Variants in EYA2 observed in about 807,000 individuals in gnomAD.
EYA2 encodes EYA transcriptional coactivator and phosphatase 2.
In EYA2, 31 loss-of-function variants were observed where a neutral mutation model predicts 69.2. The observed-to-expected ratio is 0.45, with a 90% CI of 0.34 to 0.60. The LOEUF (loss-of-function observed/expected upper bound fraction) is 0.60. EYA2 is among the 20% of genes least tolerant of loss of function. The pLI, the probability that EYA2 is intolerant of heterozygous loss-of-function variation, is 0.02. For synonymous variants in EYA2, 257 were observed against 279.4 expected, an observed-to-expected ratio of 0.92 and a Z score of 0.80; for missense variants, 622 against 701.2, an observed-to-expected ratio of 0.89 and a Z score of 1.28.
At chr20:47,040,309 T>G (rs558608612) in intron 5 of EYA2, among the ~76,000 whole-genome samples, 50 of 152,334 alleles carry the variant, frequency 3.3e-4, no homozygotes, top group African/African-American at 1.1e-3. Flanking sequence ...CAAATACTGT[T>G]CCATAAAGAA....
chr20:47,094,147 G>C lies in EYA2; in HGVS notation c.805-2938G>C, dbSNP rs1052556793. On this transcript the variant is annotated intron_variant, in intron 8 of 15. Transcript: ENST00000327619. ...AATCGAGGATGGTGAGGTAGTAGGA[G>C]AAAGGGATGGATTTTTTTCAGAGGG... Among the ~76,000 whole-genome samples the C allele has an allele frequency of 8.5e-5, 13 of 152,346 alleles. No individual in the cohort carries two copies. The East Asian group carries it at 1.7e-3, about 20-fold the overall frequency.
At chr20:47,031,759 G>A (rs952740782) in intron 5 of EYA2, among the ~76,000 whole-genome samples, 2 of 152,120 alleles carry the variant, frequency 1.3e-5, no homozygotes, top group African/African-American at 4.8e-5. Context: ...GTCTGCACCT[G>A]CACAATTTGT....
intron 7 of EYA2, among the ~76,000 whole-genome samples, chr20:47,078,930 G>A (rs911253481): frequency 6.6e-6 from 1 of 152,066 alleles, no homozygotes; most frequent in Non-Finnish European, 1.5e-5. Context: ...GAATTTATCC[G>A]AAAGATAAAC....
chr20:47,001,220 G>C (rs933476060), intron 2 of EYA2, among the ~76,000 whole-genome samples: 1 of 152,080 alleles, frequency 6.6e-6, no homozygotes, highest in Non-Finnish European at 1.5e-5. Context: ...TAACTGCACA[G>C]AGACGAAGTG....
At chr20:47,130,606 A>G (rs903385069) in intron 9 of EYA2, among the ~76,000 whole-genome samples, 1 of 152,114 alleles carries the variant, frequency 6.6e-6, no homozygotes, top group East Asian at 1.9e-4. Flanking sequence ...CAGTATGTAA[A>G]TGCTCAAACA....
At chr20:47,151,829 C>T (rs1015040162) in intron 10 of EYA2, among the ~76,000 whole-genome samples, 1 of 151,970 alleles carries the variant, frequency 6.6e-6, no homozygotes, top group Admixed American at 6.5e-5. Flanking sequence ...GGGCAGAGAA[C>T]ATGTCCACTG....
rs2034575880 is a variant in EYA2 at position 47,183,387 on chromosome 20, A to G, written c.1532A>G (p.Lys511Arg). ...GDGVEEEQGA[K>R]KHNMPFWRIS... ...GGTGTGGAAGAGGAGCAAGGAGCGA[A>G]AAAGGTACTTCTTCCACCTCTCAGA... The change falls in exon 15 of 16, where the codon AAA becomes AGA. Residue 511 changes from lysine to arginine, a missense_variant. Coordinates refer to ENST00000327619, the MANE Select transcript of EYA2 (RefSeq NM_005244.5). 6.2e-7 allele frequency: 1 copy of G among 1,613,988 alleles called. No individual in the cohort carries two copies. Among genetic ancestry groups the G allele is most frequent in the East Asian group, 2.2e-5 (1 of 44,868 alleles).
chr20:47,152,502 A>AG (rs1054723115), intron 10 of EYA2, among the ~76,000 whole-genome samples: 10 of 151,304 alleles, frequency 6.6e-5, no homozygotes, highest in South Asian at 4.2e-4. Flanking sequence ...TTGGATGGAT[A>AG]GGGGGGCGCA....
intron 9 of EYA2, among the ~76,000 whole-genome samples, chr20:47,118,182 G>A (rs1411237311): frequency 1.3e-5 from 2 of 152,270 alleles, no homozygotes; most frequent in Admixed American, 1.3e-4. Flanking sequence ...TTCTGAGGAA[G>A]TCGGAGATTT....
intron 9 of EYA2, among the ~76,000 whole-genome samples, chr20:47,104,630 A>G (rs2032523120): frequency 6.6e-6 from 1 of 152,132 alleles, no homozygotes; most frequent in Non-Finnish European, 1.5e-5. Flanking sequence ...CAGGGGTGCA[A>G]CCTCATTGTT....
chr20:46,940,710 G>A (rs1986119683), intron 1 of EYA2, among the ~76,000 whole-genome samples: 1 of 152,230 alleles, frequency 6.6e-6, no homozygotes, highest in Admixed American at 6.5e-5. Context: ...GGGAGGGAAG[G>A]TGACAGGCCA....
At chr20:47,110,392 C>T (rs1043275323) in intron 9 of EYA2, among the ~76,000 whole-genome samples, 3 of 150,440 alleles carry the variant, frequency 2.0e-5, no homozygotes, top group African/African-American at 7.4e-5. Context: ...CAGACATGCA[C>T]TACCATGCCC....
intron 9 of EYA2, among the ~76,000 whole-genome samples, chr20:47,105,867 C>A (rs751758832): frequency 1.7e-4 from 26 of 152,054 alleles, no homozygotes; most frequent in Non-Finnish European, 3.5e-4. Flanking sequence ...AAAATTGATG[C>A]CAAAAAATCG....
intron 10 of EYA2, among the ~76,000 whole-genome samples, chr20:47,156,726 C>T (rs2033959532): frequency 6.6e-6 from 1 of 151,950 alleles, no homozygotes; most frequent in Admixed American, 6.5e-5. Flanking sequence ...ACACTTAGCA[C>T]AAGAGATGTG....
chr20:47,010,923 G>A (rs890625426), intron 4 of EYA2, among the ~76,000 whole-genome samples: 17 of 151,670 alleles, frequency 1.1e-4, no homozygotes, highest in Non-Finnish European at 8.8e-5. Flanking sequence ...GAATAGCTGG[G>A]ATTACATATG....
chr20:47,106,273 C>T (rs76250178), intron 9 of EYA2, among the ~76,000 whole-genome samples: 1,775 of 152,242 alleles, frequency 0.012, 31 homozygotes, highest in African/African-American at 0.041. Context: ...AGCTGTAGCC[C>T]CCGGACCTAG....
In EYA2 at chr20:47,117,574, G is replaced by A. The variant is rs1016473028; in HGVS notation, c.888+20406G>A. 4 of 985,280 alleles carry A rather than the reference G, an allele frequency of 4.1e-6. No individual in the cohort carries two copies. The African/African-American group carries it at 5.2e-5, about 13-fold the overall frequency. 61.0% of individuals were successfully genotyped at this position (985,280 alleles called of 1,614,324 possible). On this transcript the variant is annotated intron_variant, in intron 9 of 15. Transcript: ENST00000327619. ...CCAGAACCCAGCACAGGACTGTAGG[G>A]ATTCAATCAGATCCAGTTGGCGATA... is the stretch of plus-strand genomic sequence containing the variant.
rs1327464138 is a variant in EYA2 at position 47,188,542 on chromosome 20, G to GTTGGT, written c.*422_*426dup. The stretch of plus-strand genomic sequence containing the variant: ...ACCTGTGTGGCTGGGTTTCTTAGTC[G>GTTGGT]TTGGTTTGGTTTGGTTTTTTGAACT... On this transcript the variant is annotated 3_prime_UTR_variant, in exon 16 of 16. Transcript: ENST00000327619. 6.5e-6 allele frequency: 3 copies of GTTGGT among 461,880 alleles called. No individual in the cohort carries two copies. The highest frequency in any genetic ancestry group is 1.1e-5 in the Non-Finnish European group (3 of 263,498). The allele number at this position is 461,880 out of a possible 1,614,324, so 28.6% of individuals were successfully genotyped here.
chr20:47,129,833 T>C (rs2033292333), intron 9 of EYA2, among the ~76,000 whole-genome samples: 1 of 152,168 alleles, frequency 6.6e-6, no homozygotes, highest in African/African-American at 2.4e-5. Flanking sequence ...AGGTGCATAG[T>C]AGACCATCCA....
Sources: gnomAD v4.1 joint callset for allele counts (sites outside exome capture counted in the v4.1 genomes callset) on GRCh38, gnomAD v4.1.1 for gene constraint, MANE v1.5 for transcripts, NCBI Gene and HGNC (gene_info 2026-07-23, HGNC 2026-07-21) for gene names.